VIL1: variants seen among roughly 807,000 people sequenced by gnomAD.
The protein encoded by VIL1 is villin-1.
Under a neutral mutation model 104.0 loss-of-function variants are expected in VIL1, and 86 were observed. The observed-to-expected ratio is 0.83, with a 90% CI of 0.69 to 0.99. VIL1 has a LOEUF of 0.99. VIL1 is among the 50% of genes least tolerant of loss of function. VIL1 has a pLI of 0.00. For missense variants in VIL1, 944 were observed against 1,054.1 expected (o/e 0.90, Z 1.45); for synonymous variants, 394 against 412.6 (o/e 0.95, Z 0.55).
intron 19 of VIL1, among the ~76,000 whole-genome samples, chr2:218,442,110 G>A (rs1286152297): frequency 6.6e-6 from 1 of 152,224 alleles, no homozygotes; most frequent in Non-Finnish European, 1.5e-5. Context: ...CGACAGGTAG[G>A]TGGGAACCTA....
At chr2:218,430,699 C>G (rs774019384) in intron 9 of VIL1, 26 bp from the exon 10 acceptor site, 1 of 1,558,000 alleles carries the variant, frequency 6.4e-7, no homozygotes, top group African/African-American at 1.4e-5. Flanking sequence ...AGGTGCATAG[C>G]TTCCAGCCAC....
Position 218,432,148 on chromosome 2 carries a change from G to A in VIL1, c.1306G>A (p.Gly436Ser), listed in dbSNP as rs376611849. ...CCTGCTGCTCTACACCTACCTCATCGGCGAGAAGCAGCATTACCTGCTCTA... is the reference window on the plus strand; with the variant it reads ...CCTGCTGCTCTACACCTACCTCATCAGCGAGAAGCAGCATTACCTGCTCTA... The part of the protein sequence containing the change: ...CYLLLYTYLI[G>S]EKQHYLLYVW... The change falls in exon 12 of 20, where the codon GGC becomes AGC. Residue 436 changes from glycine to serine, a missense_variant. By Grantham distance (56) the Gly-to-Ser change is moderately conservative. Coordinates refer to ENST00000248444, the MANE Select transcript of VIL1 (RefSeq NM_007127.3). 64 of 1,613,826 alleles carry A rather than the reference G, an allele frequency of 4.0e-5. No individual in the cohort carries two copies. The highest frequency in any genetic ancestry group is 9.3e-5 in the African/African-American group (7 of 74,894).
chr2:218,433,095 C>T, intron 13 of VIL1, 144 bp downstream of exon 13: 1 of 991,798 alleles, frequency 1.0e-6, no homozygotes, highest in South Asian at 1.7e-5. Flanking sequence ...GTTCTATCAC[C>T]TATGTGGAAC....
At chr2:218,426,103 C>A (rs544385215) in intron 4 of VIL1, among the ~76,000 whole-genome samples, 1 of 152,150 alleles carries the variant, frequency 6.6e-6, no homozygotes, top group Non-Finnish European at 1.5e-5. Context: ...CTATAACTCT[C>A]GTGAATCTCT....
intron 6 of VIL1, 91 bp from the exon 7 acceptor site, chr2:218,429,194 G>A (rs1226523441): frequency 2.1e-6 from 3 of 1,432,762 alleles, no homozygotes; most frequent in African/African-American, 2.8e-5. Flanking sequence ...GCTGCTGTAG[G>A]TGGTCTGGGC....
At chr2:218,447,835 C>A (rs1689391600) in intron 19 of VIL1, among the ~76,000 whole-genome samples, 1 of 152,078 alleles carries the variant, frequency 6.6e-6, no homozygotes, top group African/African-American at 2.4e-5. Flanking sequence ...TCAAGCAATT[C>A]TCCTGCCTCA....
Position 218,431,708 on chromosome 2 carries a change from G to T in VIL1, c.1103-149G>T. On this transcript the variant is annotated intron_variant, in intron 10 of 19. Coordinates refer to ENST00000248444, the MANE Select transcript of VIL1 (RefSeq NM_007127.3). The stretch of plus-strand genomic sequence containing the variant: ...CTCTATTGTAGCTCTGCCACATTCT[G>T]TGCAACCAGGTAAGCTACTGAATCT... 5 of 689,028 alleles carry T rather than the reference G, an allele frequency of 7.3e-6. No individual in the cohort carries two copies. In the South Asian group the frequency reaches 8.7e-5, roughly 12 times the overall value. The allele number at this position is 689,028 out of a possible 1,614,324, so 42.7% of individuals were successfully genotyped here.
At chr2:218,435,101 A>G (rs964603663) in intron 14 of VIL1, among the ~76,000 whole-genome samples, 188 bp from the exon 15 acceptor site, 20 of 149,008 alleles carry the variant, frequency 1.3e-4, no homozygotes, top group Non-Finnish European at 2.1e-4. Flanking sequence ...AAGACTCTCT[A>G]GTTTCTTCTG....
In VIL1 at chr2:218,424,422, TG is replaced by T. The variant is rs1173186771; in HGVS notation, c.150+76del. ...CTGTGGTGTCAGGGAGGAAACAGGC[TG>T]GGGGCCGTGGGGAGAGTTGGCCTGG... On this transcript the variant is annotated intron_variant, in intron 3 of 19. Transcript: ENST00000248444. 5 of 1,504,518 alleles carry T rather than the reference TG, an allele frequency of 3.3e-6. No individual in the cohort carries two copies. In the African/African-American group the frequency reaches 4.1e-5, roughly 12 times the overall value. The allele number at this position is 1,504,518 out of a possible 1,614,324, so 93.2% of individuals were successfully genotyped here. A position where few individuals can be genotyped will look rare whatever the true frequency, so the allele number is the denominator to read the frequency against.
At chr2:218,445,315 G>A (rs1192365746) in intron 19 of VIL1, among the ~76,000 whole-genome samples, 5 of 152,130 alleles carry the variant, frequency 3.3e-5, no homozygotes, top group African/African-American at 1.2e-4. Flanking sequence ...TGGGAGGACT[G>A]CTTGAGCCCA....
At chr2:218,434,729 C>T (rs1451551662) in intron 14 of VIL1, 24 bp downstream of exon 14, 1 of 1,586,132 alleles carries the variant, frequency 6.3e-7, no homozygotes. Context: ...CTAGAGGCCT[C>T]CCCATCCGCA....
intron 18 of VIL1, among the ~76,000 whole-genome samples, 200 bp downstream of exon 18, chr2:218,438,926 ATTTTTTTTTTT>A (rs34676834): frequency 9.3e-6 from 1 of 107,660 alleles, no homozygotes; most frequent in South Asian, 3.0e-4. Context: ...ATGGTTCTCA[ATTTTTTTTTTT>A]TTTTTTTTTT....
intron 19 of VIL1, among the ~76,000 whole-genome samples, chr2:218,447,830 C>A (rs1004121984): frequency 6.6e-6 from 1 of 151,852 alleles, no homozygotes; most frequent in Admixed American, 6.6e-5. Context: ...TGGGTTCAAG[C>A]AATTCTCCTG....
In VIL1 at chr2:218,451,631, G is replaced by C. The variant is rs1390247282; in HGVS notation, c.*2295G>C. On this transcript the variant is annotated 3_prime_UTR_variant, in exon 20 of 20. Transcript: ENST00000248444. ...AATGGTAACTACACACGATACAGAA[G>C]AATCAGTAAATTCATGGATTATTTT... 6.6e-6 allele frequency: 1 copy of C among 151,994 alleles called. No individual in the cohort carries two copies. Among genetic ancestry groups the C allele is most frequent in the African/African-American group, 2.4e-5 (1 of 41,362 alleles). 9.4% of individuals were successfully genotyped at this position (151,994 alleles called of 1,614,324 possible).
At chr2:218,423,595 C>A (rs956259001) in intron 1 of VIL1, among the ~76,000 whole-genome samples, 173 bp from the exon 2 acceptor site, 4 of 152,028 alleles carry the variant, frequency 2.6e-5, no homozygotes, top group Non-Finnish European at 5.9e-5. Context: ...CTAGACACTG[C>A]GGATTTGGTA....
Position 218,430,738 on chromosome 2 carries a change from C to A in VIL1, c.962C>A (p.Ala321Asp). Residue 321 changes from alanine (A) to aspartate (D), a missense_variant, in exon 10 of 20, where the codon GCC becomes GAC. Ala to Asp is a moderately radical substitution (Grantham distance 126). Transcript: ENST00000248444. ...TTTCTCTTCCAGAACTTCATCAAAG[C>A]CAAGCAGTACCCACCAAGCACACAG... ...AMSHALNFIK[A>D]KQYPPSTQVE... 1 of 1,592,524 alleles carries A rather than the reference C, an allele frequency of 6.3e-7. No homozygotes were observed. Among genetic ancestry groups the A allele is most frequent in the South Asian group, 1.1e-5 (1 of 88,158 alleles).
rs1689540040 is a variant in VIL1 at position 218,453,269 on chromosome 2, GTTTT to G, written c.*3938_*3941del. ...TTGTGTTTTTTTTGTTTTTGTTTTC[GTTTT>G]TTTTAATGAGATGGAGTCTCACTCT... On this transcript the variant is annotated 3_prime_UTR_variant, in exon 20 of 20. Coordinates refer to ENST00000248444, the MANE Select transcript of VIL1 (RefSeq NM_007127.3). The G allele has an allele frequency of 6.6e-6, 1 of 151,090 alleles. No homozygotes were observed. The highest frequency in any genetic ancestry group is 2.4e-5 in the African/African-American group (1 of 41,132). 9.4% of individuals were successfully genotyped at this position (151,090 alleles called of 1,614,324 possible). A position where few individuals can be genotyped will look rare whatever the true frequency, so the allele number is the denominator to read the frequency against.
At chr2:218,438,770 G>C in intron 18 of VIL1, 44 bp downstream of exon 18, 1 of 1,567,712 alleles carries the variant, frequency 6.4e-7, no homozygotes, top group East Asian at 2.3e-5. Context: ...TGGCCAGCTG[G>C]TGGTCAGACC....
intron 19 of VIL1, among the ~76,000 whole-genome samples, chr2:218,443,921 C>T (rs1433280127): frequency 6.6e-6 from 1 of 152,164 alleles, no homozygotes; most frequent in African/African-American, 2.4e-5. Flanking sequence ...TCCCGAAGTG[C>T]TGGGATTACA....
Sources: gnomAD v4.1 joint callset for allele counts (sites outside exome capture counted in the v4.1 genomes callset) on GRCh38, gnomAD v4.1.1 for gene constraint, MANE v1.5 for transcripts, NCBI Gene and HGNC (gene_info 2026-07-23, HGNC 2026-07-21) for gene names.